The following CHCHD3 variants were observed in gnomAD, a reference collection of about 807,000 sequenced individuals.
CHCHD3 encodes the protein MICOS complex subunit MIC19.
A neutral mutation model predicts 38.2 loss-of-function variants in CHCHD3; 20 were observed. The observed-to-expected ratio is 0.52, with a 90% confidence interval of 0.37 to 0.76. The LOEUF (loss-of-function observed/expected upper bound fraction) is 0.76. Ranked by LOEUF, CHCHD3 falls within the 30% of genes least tolerant of loss-of-function variation. The probability of loss-of-function intolerance (pLI) is 0.00; values close to 1 mark genes in which losing one functional copy is unlikely to be tolerated. For synonymous variants in CHCHD3, 82 were observed against 100.0 expected (o/e 0.82, Z 1.07); for missense variants, 245 against 279.2 (o/e 0.88, Z 0.87).
intron 6 of CHCHD3, among the ~76,000 whole-genome samples, chr7:132,813,745 T>C (rs1211221487): frequency 1.3e-5 from 2 of 152,208 alleles, no homozygotes; most frequent in African/African-American, 4.8e-5. Flanking sequence ...AGTTGGTAAC[T>C]GCTCATGAAG....
At chr7:133,051,775 T>G (rs150287451) in intron 2 of CHCHD3, among the ~76,000 whole-genome samples, 80 of 152,338 alleles carry the variant, frequency 5.3e-4, no homozygotes, top group Non-Finnish European at 9.0e-4. Flanking sequence ...TATAACTATA[T>G]GTAGCTATAT....
intron 2 of CHCHD3, among the ~76,000 whole-genome samples, chr7:133,048,574 T>C (rs1814062253): frequency 6.6e-6 from 1 of 152,000 alleles, no homozygotes; most frequent in African/African-American, 2.4e-5. Context: ...GCAGCTAGTT[T>C]AGAAATAAAC....
rs528906454 is a variant in CHCHD3, at chr7:132,787,098, G to A, written c.661-1438C>T. Among the ~76,000 whole-genome samples, 237 of 152,254 alleles carry A rather than the reference G, an allele frequency of 1.6e-3. 2 individuals are homozygous for A. The highest frequency in any genetic ancestry group is 5.5e-3 in the African/African-American group (227 of 41,552). On this transcript the variant is annotated intron_variant, in intron 7 of 7. Transcript: ENST00000262570. ...GGGAGAAAGCGGTGGCCAGGATTCA[G>A]CAGGGGAAGAAGCCTAGCACACACA...
intron 4 of CHCHD3, among the ~76,000 whole-genome samples, chr7:132,961,497 G>T (rs749252027): frequency 2.6e-5 from 4 of 151,658 alleles, no homozygotes; most frequent in Non-Finnish European, 5.9e-5. Flanking sequence ...ATATGTTTTA[G>T]GTATGCAGCA....
At chr7:132,838,615 T>C (rs764814889) in intron 5 of CHCHD3, 146 bp from the exon 6 acceptor site, 22 of 599,906 alleles carry the variant, frequency 3.7e-5, no homozygotes, top group Middle Eastern at 4.4e-4. Flanking sequence ...TGGATACTTA[T>C]AAAACACATG....
chr7:132,813,423 A>G (rs1187124802), intron 6 of CHCHD3: 1 of 152,196 alleles, frequency 6.6e-6, no homozygotes, highest in African/African-American at 2.4e-5. Context: ...TCTACTTCTT[A>G]CTTGCAGTGG....
rs372062013 is a variant in CHCHD3, at chr7:133,072,365, G to A, written c.82-2136C>T. On this transcript the variant is annotated intron_variant, in intron 1 of 7. Transcript: ENST00000262570. ...ACTGAGTGCTTATTATGTGCCAGGC[G>A]CTACACTAAGCTAGGCACTTCACTT... Among the ~76,000 whole-genome samples the A allele has an allele frequency of 9.9e-5, 15 of 152,190 alleles. No individual in the cohort carries two copies. The East Asian group carries it at 1.4e-3, about 14-fold the overall frequency.
chr7:133,068,957 G>A (rs575556251), intron 2 of CHCHD3, among the ~76,000 whole-genome samples: 3 of 152,220 alleles, frequency 2.0e-5, no homozygotes, highest in African/African-American at 7.2e-5. Flanking sequence ...TTCAGGGAAA[G>A]GTCAGGGCTA....
At chr7:132,897,565 T>G (rs1342858183) in intron 4 of CHCHD3, among the ~76,000 whole-genome samples, 2 of 152,312 alleles carry the variant, frequency 1.3e-5, no homozygotes, top group East Asian at 1.9e-4. Context: ...GAGAATTGGT[T>G]CTGGGACTCC....
intron 4 of CHCHD3, among the ~76,000 whole-genome samples, chr7:132,956,968 T>C (rs1378235401): frequency 6.6e-6 from 1 of 152,238 alleles, no homozygotes; most frequent in Non-Finnish European, 1.5e-5. Context: ...GCCCTCTGTG[T>C]GTCTGGCTTA....
intron 6 of CHCHD3, among the ~76,000 whole-genome samples, chr7:132,805,286 G>A (rs1806887348): frequency 6.6e-6 from 1 of 151,976 alleles, no homozygotes; most frequent in African/African-American, 2.4e-5. Flanking sequence ...CAGCTGTTCT[G>A]AGGGCATAAC....
intron 6 of CHCHD3, among the ~76,000 whole-genome samples, chr7:132,799,892 G>A (rs539633310): frequency 1.1e-3 from 165 of 151,746 alleles, no homozygotes; most frequent in African/African-American, 3.1e-3. Context: ...CTAGCAGCCC[G>A]CCCTCCCTTT....
At chr7:133,032,745 C>T (rs1325258738) in intron 2 of CHCHD3, among the ~76,000 whole-genome samples, 1 of 152,074 alleles carries the variant, frequency 6.6e-6, no homozygotes, top group Non-Finnish European at 1.5e-5. Flanking sequence ...TCTAGTATTT[C>T]ATGTCTTAAT....
chr7:132,842,376 C>A (rs1211757739), intron 5 of CHCHD3, among the ~76,000 whole-genome samples: 1 of 152,060 alleles, frequency 6.6e-6, no homozygotes, highest in Non-Finnish European at 1.5e-5. Context: ...GCAAAAGATT[C>A]CCATCTATCC....
chr7:132,884,323 T>C (rs1387833862), intron 5 of CHCHD3, among the ~76,000 whole-genome samples: 1 of 152,186 alleles, frequency 6.6e-6, no homozygotes, highest in Non-Finnish European at 1.5e-5. Context: ...TGGGACTCTC[T>C]TTTCCCATTT....
chr7:132,981,220 G>A (rs1811910848), intron 3 of CHCHD3, among the ~76,000 whole-genome samples: 1 of 151,838 alleles, frequency 6.6e-6, no homozygotes, highest in Admixed American at 6.6e-5. Context: ...CTTGAACTGG[G>A]CTCAAGTGGT....
intron 3 of CHCHD3, among the ~76,000 whole-genome samples, chr7:133,020,452 C>T (rs114022040): frequency 0.024 from 3,708 of 152,100 alleles, 157 homozygotes; most frequent in African/African-American, 0.084. Context: ...TGTGGCCCTA[C>T]CAGTCACAGA....
At chr7:132,862,109 A>G (rs570419346) in intron 5 of CHCHD3, among the ~76,000 whole-genome samples, 7 of 115,942 alleles carry the variant, frequency 6.0e-5, no homozygotes, top group African/African-American at 2.3e-4. Flanking sequence ...TGGATGGATG[A>G]AATGAAGGAA....
At position 132,919,100 on chromosome 7, in the gene CHCHD3, C is replaced by CTTTTTTTTTTTTT. The variant is rs5887600; in HGVS notation, c.370-33368_370-33356dup. ...CTAATCCTATATAGTTGGGTTTATT[C>CTTTTTTTTTTTTT]TTTTTTTTTTTTTTTTTTTTTTTTT... On this transcript the variant is annotated intron_variant, in intron 4 of 7. Coordinates refer to ENST00000262570, the MANE Select transcript of CHCHD3 (RefSeq NM_017812.4). Among the ~76,000 whole-genome samples the CTTTTTTTTTTTTT allele has an allele frequency of 5.0e-4, 35 of 69,502 alleles. 7 individuals are homozygous for CTTTTTTTTTTTTT. The highest frequency in any genetic ancestry group is 2.3e-3 in the East Asian group (4 of 1,740). 45.6% of individuals were successfully genotyped at this position (69,502 alleles called of 152,430 possible). A position where few individuals can be genotyped will look rare whatever the true frequency, so the allele number is the denominator to read the frequency against.
Sources: allele counts gnomAD v4.1 joint callset (sites outside exome capture counted in the v4.1 genomes callset), GRCh38; gene constraint gnomAD v4.1.1; transcripts MANE v1.5; gene names NCBI Gene and HGNC (gene_info 2026-07-23, HGNC 2026-07-21).